STOX1: variants seen among roughly 807,000 people sequenced by gnomAD.
STOX1 encodes storkhead-box protein 1.
A neutral mutation model predicts 74.8 loss-of-function variants in STOX1; 57 were observed. The observed-to-expected ratio is 0.76, with a 90% CI of 0.62 to 0.95. The LOEUF is 0.95. Among genes scored for constraint, STOX1 ranks in the 40% least tolerant of loss-of-function variants. The probability of loss-of-function intolerance (pLI) is 0.00; values close to 1 mark genes in which losing one functional copy is unlikely to be tolerated. For synonymous variants in STOX1, 375 were observed against 401.3 expected (o/e 0.93, Z 0.78); for missense variants, 1,010 against 1,117.0 (o/e 0.90, Z 1.37).
chr10:68,848,868 C>G (rs1199411083), intron 1 of STOX1, among the ~76,000 whole-genome samples: 1 of 152,160 alleles, frequency 6.6e-6, no homozygotes, highest in Non-Finnish European at 1.5e-5. Flanking sequence ...TGAGTTCTTG[C>G]TGTGTTTCCC....
At position 68,884,345 on chromosome 10, in the gene STOX1, A is replaced by C. The variant is rs1840882654; in HGVS notation, c.549A>C (p.Gly183=). Residue 183 remains glycine (G), a synonymous_variant, in exon 3 of 4, where the codon GGA becomes GGC. Coordinates refer to ENST00000298596, the MANE Select transcript of STOX1 (RefSeq NM_152709.5). ...GGAAGATTTATCACACTGGAGAAGGATACTTCATAGTTACTCCTCAGACTT... is the reference window on the plus strand; with the variant it reads ...GGAAGATTTATCACACTGGAGAAGGCTACTTCATAGTTACTCCTCAGACTT... ...KERKIYHTGE[G]YFIVTPQTYF... 6.2e-7 allele frequency: 1 copy of C among 1,614,180 alleles called. No homozygotes were observed. Among genetic ancestry groups the C allele is most frequent in the Non-Finnish European group, 8.5e-7 (1 of 1,180,016 alleles).
At chr10:68,840,550 T>TTTTATTCA (rs1564570371) in intron 1 of STOX1, among the ~76,000 whole-genome samples, 1 of 151,190 alleles carries the variant, frequency 6.6e-6, no homozygotes, top group Non-Finnish European at 1.5e-5. Context: ...GGTTATTTTG[T>TTTTATTCA]TTTATTTATT....
chr10:68,881,945 A>C lies in STOX1; in HGVS notation c.311-13A>C, dbSNP rs1007821506. ...TCAACCCCCTCCCCCTTTTTTTTAA[A>C]TCTCCAATTTAGGTGATGTCTTTCC... On this transcript the variant is annotated splice_polypyrimidine_tract_variant and intron_variant, in intron 1 of 3. Coordinates refer to ENST00000298596, the MANE Select transcript of STOX1 (RefSeq NM_152709.5). 1 of 1,613,264 alleles carries C rather than the reference A, an allele frequency of 6.2e-7. No individual in the cohort carries two copies. Among genetic ancestry groups the C allele is most frequent in the Non-Finnish European group, 8.5e-7 (1 of 1,179,712 alleles).
At position 68,885,528 on chromosome 10, in the gene STOX1, T is replaced by A. The variant is rs762514774; in HGVS notation, c.1732T>A (p.Phe578Ile). The change falls in exon 3 of 4, where the codon TTC becomes ATC. Residue 578 changes from phenylalanine to isoleucine, a missense_variant. Coordinates refer to ENST00000298596, the MANE Select transcript of STOX1 (RefSeq NM_152709.5). ...TACTGTCAAACCCATCAATGATGAC[T>A]TCAGAGGTCACCTCTTCAGTCACCC... The part of the protein sequence containing the change: ...DPTVKPINDD[F>I]RGHLFSHPQQ... 1 of 1,614,212 alleles carries A rather than the reference T, an allele frequency of 6.2e-7. No homozygotes were observed. The highest frequency in any genetic ancestry group is 2.2e-5 in the East Asian group (1 of 44,892).
chr10:68,887,618 CAG>C (rs1204394073), intron 3 of STOX1, among the ~76,000 whole-genome samples: 1 of 122,674 alleles, frequency 8.2e-6, no homozygotes, highest in Non-Finnish European at 1.6e-5. Flanking sequence ...TTTTTTGAGG[CAG>C]AGTTTTGCTG....
In STOX1 at chr10:68,827,728, G is replaced by C. The variant is rs903097143; in HGVS notation, c.105G>C (p.Ala35=). Residue 35 remains alanine (A), a synonymous_variant, in exon 1 of 4, where the codon GCG becomes GCC. Coordinates refer to ENST00000298596, the MANE Select transcript of STOX1 (RefSeq NM_152709.5). ...CCGCGGAGGAGCCTGGTGGGCGCGCGGTGTTCCGCGCTTTCCGTCGCGCCA... is the reference window on the plus strand; with the variant it reads ...CCGCGGAGGAGCCTGGTGGGCGCGCCGTGTTCCGCGCTTTCCGTCGCGCCA... The part of the protein sequence containing the change: ...AGAAEEPGGR[A]VFRAFRRANA... 14 of 859,300 alleles carry C rather than the reference G, an allele frequency of 1.6e-5. No individual in the cohort carries two copies. The African/African-American group carries it at 1.9e-4, about 12-fold the overall frequency. 53.2% of individuals were successfully genotyped at this position (859,300 alleles called of 1,614,324 possible). A position where few individuals can be genotyped will look rare whatever the true frequency, so the allele number is the denominator to read the frequency against.
chr10:68,865,005 A>G (rs1840366947), intron 1 of STOX1, among the ~76,000 whole-genome samples: 2 of 152,230 alleles, frequency 1.3e-5, no homozygotes, highest in Admixed American at 1.3e-4. Flanking sequence ...AAGGAGTAGT[A>G]GTCTGAATTT....
chr10:68,862,696 G>A (rs570138113), intron 1 of STOX1, among the ~76,000 whole-genome samples: 5 of 152,034 alleles, frequency 3.3e-5, no homozygotes, highest in South Asian at 2.1e-4. Context: ...CTATCTGATC[G>A]TTCTGTTCAG....
rs371799854 is a variant in STOX1, at chr10:68,885,796, A to G, written c.2000A>G (p.Gln667Arg). The change falls in exon 3 of 4, where the codon CAA becomes CGA. Residue 667 changes from glutamine (Q) to arginine (R), a missense_variant. Gln to Arg is a conservative substitution (Grantham distance 43). Transcript: ENST00000298596. Reference sequence around the variant, plus strand: ...GTGGATAACACAATACACCAGTTTCAAAATCTTGGCCTTTTGGATTACCCA... The same window carrying G: ...GTGGATAACACAATACACCAGTTTCGAAATCTTGGCCTTTTGGATTACCCA... ...RLVDNTIHQF[Q>R]NLGLLDYPVG... 65 of 1,613,990 alleles carry G rather than the reference A, an allele frequency of 4.0e-5. No homozygotes were observed. Among genetic ancestry groups the G allele is most frequent in the Non-Finnish European group, 5.4e-5 (64 of 1,180,056 alleles).
intron 3 of STOX1, among the ~76,000 whole-genome samples, chr10:68,891,794 T>A (rs1263974319): frequency 6.7e-6 from 1 of 149,656 alleles, no homozygotes; most frequent in Non-Finnish European, 1.5e-5. Context: ...AGAGTGAGAC[T>A]CTGTTTCAAA....
intron 1 of STOX1, among the ~76,000 whole-genome samples, chr10:68,877,886 CCT>C (rs1294996268): frequency 1.3e-5 from 2 of 152,160 alleles, no homozygotes; most frequent in African/African-American, 4.8e-5. Context: ...ACTTTTCCCC[CCT>C]CTTTTAAAAT....
intron 1 of STOX1, among the ~76,000 whole-genome samples, chr10:68,854,867 G>C (rs1365827622): frequency 6.6e-6 from 1 of 152,068 alleles, no homozygotes; most frequent in Non-Finnish European, 1.5e-5. Context: ...AGTAGATAAG[G>C]CTCCTAATGC....
chr10:68,884,142 A>G, intron 2 of STOX1, 118 bp from the exon 3 acceptor site: 1 of 902,788 alleles, frequency 1.1e-6, no homozygotes, highest in Non-Finnish European at 1.8e-6. Context: ...CACATGTATT[A>G]TGTTACAATC....
intron 1 of STOX1, among the ~76,000 whole-genome samples, chr10:68,859,572 G>A (rs1840210017): frequency 6.6e-6 from 1 of 152,078 alleles, no homozygotes; most frequent in Non-Finnish European, 1.5e-5. Flanking sequence ...TTAGTGTGTT[G>A]TCAAATCCAG....
chr10:68,856,986 G>A (rs1462326489), intron 1 of STOX1, among the ~76,000 whole-genome samples: 1 of 151,996 alleles, frequency 6.6e-6, no homozygotes, highest in East Asian at 1.9e-4. Context: ...CCAACTACAG[G>A]CCCTTGTCTG....
chr10:68,890,142 A>G (rs1328702048), intron 3 of STOX1, among the ~76,000 whole-genome samples: 1 of 151,612 alleles, frequency 6.6e-6, no homozygotes, highest in Non-Finnish European at 1.5e-5. Context: ...TGTTATGTGG[A>G]CTATATATAT....
intron 1 of STOX1, among the ~76,000 whole-genome samples, chr10:68,845,271 A>ATTTTTT (rs999265975): frequency 8.2e-6 from 1 of 121,938 alleles, no homozygotes; most frequent in African/African-American, 3.2e-5. Flanking sequence ...CAGCTGGCTA[A>ATTTTTT]TTTTTTTTTT....
chr10:68,876,119 AATATATATATAT>A (rs56325624), intron 1 of STOX1, among the ~76,000 whole-genome samples: 8,838 of 135,632 alleles, frequency 0.065, 347 homozygotes, highest in Middle Eastern at 0.1. Context: ...TCTTTACCAG[AATATATATATAT>A]ATATATATAT....
rs955208163 is a variant in STOX1 at position 68,885,710 on chromosome 10, G to T, written c.1914G>T (p.Pro638=). 3 of 1,613,982 alleles carry T rather than the reference G, an allele frequency of 1.9e-6. No individual in the cohort carries two copies. The highest frequency in any genetic ancestry group is 1.6e-4 in the Middle Eastern group (1 of 6,084). Residue 638 remains proline, a synonymous_variant, in exon 3 of 4, where the codon CCG becomes CCT. Transcript: ENST00000298596. ...AATTAGGGGAGACCAAACAGACTCC[G>T]CATAGTCTGCCATCACGAGGTGCCT... ...FDKLGETKQT[P]HSLPSRGASF...
Sources: gnomAD v4.1 joint callset for allele counts (sites outside exome capture counted in the v4.1 genomes callset) on GRCh38, gnomAD v4.1.1 for gene constraint, MANE v1.5 for transcripts, NCBI Gene and HGNC (gene_info 2026-07-23, HGNC 2026-07-21) for gene names.